The following MTCL1 variants were observed in gnomAD, a reference collection of about 807,000 sequenced individuals.
MTCL1 encodes the protein microtubule cross-linking factor 1.
In MTCL1, 79 loss-of-function variants were observed where a neutral mutation model predicts 141.4. The observed-to-expected ratio is 0.56, with a 90% confidence interval of 0.47 to 0.67. The LOEUF is 0.67. Ranked by LOEUF, MTCL1 falls within the 30% of genes least tolerant of loss-of-function variation. The pLI is 0.00. For missense variants in MTCL1, 2,177 were observed against 2,113.9 expected, an observed-to-expected ratio of 1.03 and a Z score of -0.59; for synonymous variants, 914 against 875.8, an observed-to-expected ratio of 1.04 and a Z score of -0.77.
exon 12 of MTCL1, chr18:8,813,047 G>A (rs773354162): frequency 6.2e-7 from 1 of 1,614,220 alleles, no homozygotes. Flanking sequence ...GGGCCTTGAA[G>A]AAGGAGAGAG....
At position 8,712,337 on chromosome 18, in the gene MTCL1, C is replaced by T. The variant is rs146623431; in HGVS notation, c.1053+5624C>T. ...TGCAGTGTCTCACTGCTGATCCAAG[C>T]TTACCATCCTGCTTCTCATTGGAGT... On this transcript the variant is annotated intron_variant, in intron 1 of 13. Coordinates refer to the MTCL1 transcript ENST00000306329. Among the ~76,000 whole-genome samples the T allele has an allele frequency of 2.3e-3, 356 of 152,336 alleles. 2 individuals are homozygous for T. The highest frequency in any genetic ancestry group is 3.7e-3 in the Admixed American group (57 of 15,314).
At chr18:8,735,911 A>T (rs1026839067) in intron 4 of MTCL1, among the ~76,000 whole-genome samples, 13 of 152,254 alleles carry the variant, frequency 8.5e-5, no homozygotes, top group South Asian at 2.1e-4. Context: ...CTTTATATAT[A>T]TTTTTTTTAA....
At chr18:8,752,776 C>G (rs2096378368) in intron 4 of MTCL1, among the ~76,000 whole-genome samples, 1 of 152,212 alleles carries the variant, frequency 6.6e-6, no homozygotes, top group South Asian at 2.1e-4. Flanking sequence ...CACCCTATTG[C>G]TGGGTGCGTA....
chr18:8,818,810 G>A (rs1323671582), intron 12 of MTCL1, among the ~76,000 whole-genome samples, 153 bp from the exon 12 acceptor site: 2 of 152,186 alleles, frequency 1.3e-5, no homozygotes, highest in African/African-American at 4.8e-5. Flanking sequence ...GTTACATTTT[G>A]AAATTAAGAT....
intron 4 of MTCL1, among the ~76,000 whole-genome samples, chr18:8,776,882 C>T (rs559147104): frequency 3.9e-5 from 6 of 152,256 alleles, no homozygotes; most frequent in South Asian, 2.1e-4. Flanking sequence ...CCGCCTCAGT[C>T]GCCCTAGTAG....
intron 4 of MTCL1, among the ~76,000 whole-genome samples, chr18:8,745,551 G>A (rs926811505): frequency 7.2e-5 from 11 of 151,950 alleles, no homozygotes; most frequent in Non-Finnish European, 1.0e-4. Flanking sequence ...CTTGTGTTTT[G>A]GGTTGTTCGG....
intron 4 of MTCL1, among the ~76,000 whole-genome samples, chr18:8,756,364 T>C (rs955439338): frequency 3.0e-5 from 4 of 133,428 alleles, no homozygotes; most frequent in Non-Finnish European, 5.9e-5. Context: ...TATATATGTA[T>C]ATATGTGTAT....
At chr18:8,755,489 T>C (rs2096392651) in intron 4 of MTCL1, among the ~76,000 whole-genome samples, 1 of 152,092 alleles carries the variant, frequency 6.6e-6, no homozygotes, top group South Asian at 2.1e-4. Context: ...AGCTGTCATT[T>C]CTCCCAGGAG....
intron 4 of MTCL1, among the ~76,000 whole-genome samples, chr18:8,752,819 C>T (rs1482853852): frequency 1.3e-5 from 2 of 152,124 alleles, no homozygotes; most frequent in Middle Eastern, 3.2e-3. Flanking sequence ...TCCCCTGCCT[C>T]CAAGAGGAGT....
In MTCL1 at chr18:8,798,080, C is replaced by T. The variant is rs766084687; in HGVS notation, c.2242-17C>T. ...AATTTGGCTGAAGCTGTGATCGTCA[C>T]CTCCTGCCTGTTTCAGGGTGAACAT... On this transcript the variant is annotated splice_polypyrimidine_tract_variant and intron_variant, in intron 9 of 16. Coordinates refer to ENST00000359865, the Ensembl canonical transcript of MTCL1. 4.5e-6 allele frequency: 7 copies of T among 1,566,660 alleles called. No homozygotes were observed. The highest frequency in any genetic ancestry group is 6.0e-6 in the Non-Finnish European group (7 of 1,162,968).
chr18:8,721,370 CT>C (rs1197467987), intron 4 of MTCL1, among the ~76,000 whole-genome samples: 6 of 152,310 alleles, frequency 3.9e-5, no homozygotes, highest in African/African-American at 1.4e-4. Flanking sequence ...CCTGCATGGG[CT>C]CTGGGTAGGG....
chr18:8,725,738 T>A lies in MTCL1; in HGVS notation c.357+5242T>A, dbSNP rs1429870417. 4.0e-5 allele frequency among the ~76,000 whole-genome samples: 6 copies of A among 151,860 alleles called. No individual in the cohort carries two copies. The East Asian group carries it at 1.2e-3, about 29-fold the overall frequency. On this transcript the variant is annotated intron_variant, in intron 4 of 16. Transcript: ENST00000359865. ...GCGCATTTTAATTTTATTCTTGTAATTTGTCAAACTTTGCGTTATGTATTT... is the reference window on the plus strand; with the variant it reads ...GCGCATTTTAATTTTATTCTTGTAAATTGTCAAACTTTGCGTTATGTATTT...
At chr18:8,783,178 G>C (rs1186964758) in intron 5 of MTCL1, among the ~76,000 whole-genome samples, 3 of 152,182 alleles carry the variant, frequency 2.0e-5, no homozygotes, top group Non-Finnish European at 2.9e-5. Context: ...GCAAGGAGGG[G>C]TTGCGCATTC....
chr18:8,829,462 G>T, intron 16 of MTCL1: 2 of 959,574 alleles, frequency 2.1e-6, no homozygotes, highest in African/African-American at 1.8e-5. Flanking sequence ...AATATATCTT[G>T]TCCTTCCAAG....
intron 11 of MTCL1, chr18:8,809,650 G>T (rs2076414533): frequency 1.3e-6 from 2 of 1,509,762 alleles, no homozygotes; most frequent in African/African-American, 1.4e-5. Context: ...GTAGAGAGTG[G>T]CCGGGCCTGG....
At chr18:8,802,317 G>T (rs1257172312) in intron 10 of MTCL1, 1 of 152,180 alleles carries the variant, frequency 6.6e-6, no homozygotes, top group Non-Finnish European at 1.5e-5. Flanking sequence ...TTTGTGACTG[G>T]CGTTTTGTGG....
intron 4 of MTCL1, among the ~76,000 whole-genome samples, chr18:8,771,069 G>A (rs1435664325): frequency 6.6e-6 from 1 of 152,218 alleles, no homozygotes. Context: ...GCCCGTGGCT[G>A]AACGAGAGGC....
At chr18:8,796,506 C>T in intron 9 of MTCL1, 44 bp downstream of exon 8, 1 of 1,589,508 alleles carries the variant, frequency 6.3e-7, no homozygotes, top group Non-Finnish European at 8.6e-7. Flanking sequence ...CTGTTTTGTC[C>T]TTGACCCCAG....
intron 4 of MTCL1, among the ~76,000 whole-genome samples, chr18:8,744,966 G>A (rs2096328066): frequency 6.6e-6 from 1 of 152,204 alleles, no homozygotes. Context: ...GAGCTGTCCG[G>A]CTGTGGCCTT....
Sources: gnomAD v4.1 joint callset for allele counts (sites outside exome capture counted in the v4.1 genomes callset) on GRCh38, gnomAD v4.1.1 for gene constraint, MANE v1.5 for transcripts, NCBI Gene and HGNC (gene_info 2026-07-23, HGNC 2026-07-21) for gene names.